Variants in NFIA observed in about 807,000 individuals in gnomAD.
The protein encoded by NFIA is nuclear factor I A.
Under a neutral mutation model 62.8 loss-of-function variants are expected in NFIA, and 8 were observed. The observed-to-expected ratio is 0.13, with a 90% CI of 0.07 to 0.23. NFIA has a LOEUF of 0.23. Ranked by LOEUF, NFIA falls within the 10% of genes least tolerant of loss-of-function variation. The probability of loss-of-function intolerance (pLI) is 1.00; values close to 1 mark genes in which losing one functional copy is unlikely to be tolerated. For missense variants in NFIA, 410 were observed against 642.1 expected (o/e 0.64, Z 3.91); for synonymous variants, 235 against 238.1 (o/e 0.99, Z 0.12).
At chr1:61,181,360 T>G (rs1650749549) in intron 2 of NFIA, among the ~76,000 whole-genome samples, 1 of 152,240 alleles carries the variant, frequency 6.6e-6, no homozygotes, top group Non-Finnish European at 1.5e-5. Flanking sequence ...TACATTGTTG[T>G]GCAATGAGGG....
chr1:61,436,182 C>T (rs1226686554), intron 10 of NFIA, among the ~76,000 whole-genome samples: 1 of 152,112 alleles, frequency 6.6e-6, no homozygotes, highest in Non-Finnish European at 1.5e-5. Context: ...GGGTGCCCTC[C>T]AGAGTGCTTA....
At chr1:61,262,134 TAAAG>T (rs1214941593) in intron 2 of NFIA, among the ~76,000 whole-genome samples, 3 of 152,170 alleles carry the variant, frequency 2.0e-5, no homozygotes, top group Admixed American at 2.0e-4. Context: ...TTTATGGAAA[TAAAG>T]AGTTTCTGCC....
chr1:61,413,167 A>AT (rs1483878689), intron 9 of NFIA, among the ~76,000 whole-genome samples: 1 of 152,192 alleles, frequency 6.6e-6, no homozygotes, highest in Non-Finnish European at 1.5e-5. Flanking sequence ...TTCTATTAAA[A>AT]TAGAAGCATA....
chr1:61,078,369 T>C (rs950250558), upstream of NFIA, among the ~76,000 whole-genome samples: 3 of 152,242 alleles, frequency 2.0e-5, no homozygotes, highest in Admixed American at 2.0e-4. Flanking sequence ...TGTATTGTTA[T>C]TAACTTTGCA....
chr1:61,245,428 G>A (rs1254236717), intron 2 of NFIA, among the ~76,000 whole-genome samples: 4 of 152,050 alleles, frequency 2.6e-5, no homozygotes, highest in Non-Finnish European at 4.4e-5. Context: ...TATGGTCGAA[G>A]CTTTTGTTCT....
At position 61,461,725 on chromosome 1, in the gene NFIA, T is replaced by A. The variant is rs1243382570; in HGVS notation, c.*6405T>A. ...CATTCGCCTATTTGATTCAGAAAAA[T>A]AAACTTTCCCAAAATGTGTCTGAAC... is the stretch of plus-strand genomic sequence containing the variant. On this transcript the variant is annotated 3_prime_UTR_variant, in exon 11 of 11. Transcript: ENST00000403491. The A allele has an allele frequency of 6.6e-6, 1 of 152,106 alleles. No individual in the cohort carries two copies. Among genetic ancestry groups the A allele is most frequent in the Non-Finnish European group, 1.5e-5 (1 of 68,032 alleles). 9.4% of individuals were successfully genotyped at this position (152,106 alleles called of 1,614,324 possible).
intron 4 of NFIA, among the ~76,000 whole-genome samples, chr1:61,344,391 C>T (rs1030669513): frequency 1.3e-5 from 2 of 152,180 alleles, no homozygotes; most frequent in African/African-American, 2.4e-5. Flanking sequence ...TTTTCCCCTC[C>T]CCCGGTCTTC....
intron 2 of NFIA, among the ~76,000 whole-genome samples, chr1:61,113,431 A>G (rs936613307): frequency 6.6e-6 from 1 of 151,892 alleles, no homozygotes; most frequent in African/African-American, 2.4e-5. Context: ...AGTCTCTTCT[A>G]AAAATACAAA....
chr1:61,077,484 C>T (rs1413240147), upstream of NFIA: 6 of 746,410 alleles, frequency 8.0e-6, no homozygotes, highest in Non-Finnish European at 1.1e-5. Context: ...AATTGGCCAA[C>T]AGCTTTTTAA....
At position 61,088,755 on chromosome 1, in the gene NFIA, A is replaced by C. The variant is rs1646264509; in HGVS notation, c.559+75A>C. 6.6e-7 allele frequency: 1 copy of C among 1,503,800 alleles called. No individual in the cohort carries two copies. Among genetic ancestry groups the C allele is most frequent in the Admixed American group, 2.0e-5 (1 of 49,424 alleles). The allele number at this position is 1,503,800 out of a possible 1,614,324, so 93.2% of individuals were successfully genotyped here. A position where few individuals can be genotyped will look rare whatever the true frequency, so the allele number is the denominator to read the frequency against. The stretch of plus-strand genomic sequence containing the variant: ...CCTGATGGCCTCCGCGTTATGCCGG[A>C]TTCTTCCTGAGCTCCCCAAGTTGCA... On this transcript the variant is annotated intron_variant, in intron 2 of 10. Transcript: ENST00000403491. The surrounding 1 kb of genome is among the most constrained non-coding windows in gnomAD (Gnocchi z 4.5).
Position 61,459,009 on chromosome 1 carries a change from C to G in NFIA, c.*3689C>G, listed in dbSNP as rs1433997847. 1.3e-5 allele frequency: 2 copies of G among 152,120 alleles called. No individual in the cohort carries two copies. The highest frequency in any genetic ancestry group is 6.5e-5 in the Admixed American group (1 of 15,274). 9.4% of individuals were successfully genotyped at this position (152,120 alleles called of 1,614,324 possible). On this transcript the variant is annotated 3_prime_UTR_variant, in exon 11 of 11. Coordinates refer to ENST00000403491, the MANE Select transcript of NFIA (RefSeq NM_001134673.4). ...TCATGTTTCATTGTCCAGAAAGCAG[C>G]AGGAAACTATTCAGTTGTGATCAAG... is the stretch of plus-strand genomic sequence containing the variant.
intron 2 of NFIA, among the ~76,000 whole-genome samples, chr1:61,266,607 A>G (rs1211922283): frequency 6.6e-6 from 1 of 152,092 alleles, no homozygotes; most frequent in African/African-American, 2.4e-5. Context: ...CATATTGGCC[A>G]GGCTGGTCTC....
intron 5 of NFIA, among the ~76,000 whole-genome samples, chr1:61,355,767 T>G (rs1374045688): frequency 6.6e-6 from 1 of 151,488 alleles, no homozygotes; most frequent in African/African-American, 2.4e-5. Flanking sequence ...TATTTTTTTT[T>G]GTAAAGACAA....
intron 2 of NFIA, among the ~76,000 whole-genome samples, chr1:61,108,448 G>A (rs1165355933): frequency 1.3e-5 from 2 of 151,536 alleles, no homozygotes; most frequent in Non-Finnish European, 3.0e-5. Context: ...TATATTCAGC[G>A]ATATTTACAT....
intron 9 of NFIA, among the ~76,000 whole-genome samples, chr1:61,423,842 A>ATTT (rs1190414422): frequency 6.6e-6 from 1 of 152,038 alleles, no homozygotes; most frequent in East Asian, 1.9e-4. Context: ...ATGAGTCAGA[A>ATTT]TTTCTTTCTT....
chr1:61,082,836 T>C lies in NFIA; in HGVS notation c.27+18T>C. 6.8e-7 allele frequency: 1 copy of C among 1,477,426 alleles called. No homozygotes were observed. Among genetic ancestry groups the C allele is most frequent in the Non-Finnish European group, 9.0e-7 (1 of 1,105,042 alleles). 91.5% of individuals were successfully genotyped at this position (1,477,426 alleles called of 1,614,324 possible). A position where few individuals can be genotyped will look rare whatever the true frequency, so the allele number is the denominator to read the frequency against. On this transcript the variant is annotated intron_variant, in intron 1 of 10. Transcript: ENST00000403491. ...TCACCCAGGTAAGCCGCGGCGTGGA[T>C]GCGGAGGGCTTGGGGGCCGGGGCGC...
rs150617419 is a variant in NFIA at position 61,352,508 on chromosome 1, A to G, written c.759A>G (p.Ser253=). ...CTCTCTCAGATTTGGAAAGTTCTTCATACTACAGCATGAGTCCAGGAGCAA... is the reference window on the plus strand; with the variant it reads ...CTCTCTCAGATTTGGAAAGTTCTTCGTACTACAGCATGAGTCCAGGAGCAA... ...NFSLSDLESS[S]YYSMSPGAMR... Residue 253 remains serine, a synonymous_variant, in exon 5 of 11, where the codon TCA becomes TCG. Transcript: ENST00000403491. 9 of 1,614,030 alleles carry G rather than the reference A, an allele frequency of 5.6e-6. No homozygotes were observed. The highest frequency in any genetic ancestry group is 6.8e-6 in the Non-Finnish European group (8 of 1,179,950).
At chr1:61,446,411 T>C (rs1667813000) in intron 10 of NFIA, among the ~76,000 whole-genome samples, 2 of 152,214 alleles carry the variant, frequency 1.3e-5, no homozygotes, top group Non-Finnish European at 2.9e-5. Context: ...AGTAGGGGTC[T>C]GTCATGATTC....
At chr1:61,316,618 T>C (rs548810445) in intron 3 of NFIA, among the ~76,000 whole-genome samples, 2 of 152,218 alleles carry the variant, frequency 1.3e-5, no homozygotes, top group East Asian at 1.9e-4. Flanking sequence ...ATGAGAAACA[T>C]TGTAGTGGTT....
Sources: allele counts gnomAD v4.1 joint callset (sites outside exome capture counted in the v4.1 genomes callset), GRCh38; gene constraint gnomAD v4.1.1; non-coding constraint Gnocchi (gnomAD v3.1); transcripts MANE v1.5; gene names NCBI Gene and HGNC (gene_info 2026-07-23, HGNC 2026-07-21).